Variants in SNX10 observed in about 807,000 individuals in gnomAD.
The protein encoded by SNX10 is sorting nexin-10.
Under a neutral mutation model 28.5 loss-of-function variants are expected in SNX10, and 25 were observed. The observed-to-expected ratio is 0.88, with a 90% CI of 0.64 to 1.22. The LOEUF (loss-of-function observed/expected upper bound fraction) is 1.22, where lower values mean the gene tolerates loss of function less well. Among genes scored for constraint, SNX10 ranks in the 50% most tolerant of loss-of-function variants. The probability of loss-of-function intolerance (pLI) is 0.00; values close to 1 mark genes in which losing one functional copy is unlikely to be tolerated. For synonymous variants in SNX10, 62 were observed against 81.4 expected, an observed-to-expected ratio of 0.76 and a Z score of 1.28; for missense variants, 223 against 242.6, an observed-to-expected ratio of 0.92 and a Z score of 0.54.
chr7:26,372,017 G>C lies in SNX10; in HGVS notation c.508G>C (p.Asp170His). 6.2e-7 allele frequency: 1 copy of C among 1,603,628 alleles called. No homozygotes were observed. The highest frequency in any genetic ancestry group is 1.1e-5 in the South Asian group (1 of 90,770). The change falls in exon 6 of 7, where the codon GAT becomes CAT. Residue 170 changes from aspartate to histidine, a missense_variant. Transcript: ENST00000338523. The stretch of plus-strand genomic sequence containing the variant: ...AGAAGGAAAAAAAGAAAATGATATA[G>C]ATTATGATTCAGAAAGGTATTTCCT... ...DEEGKKENDI[D>H]YDSESSSSGL...
rs554998235 is a variant in SNX10, at chr7:26,310,874, G to T, written c.-24+18788G>T. On this transcript the variant is annotated intron_variant, in intron 1 of 6. Transcript: ENST00000338523. ...ATTTTTTTGTATTTTTAGTAGAGAT[G>T]GCGTTTCACCGTGTTAGCCAGGATG... Among the ~76,000 whole-genome samples, 18 of 152,018 alleles carry T rather than the reference G, an allele frequency of 1.2e-4. No homozygotes were observed. In the East Asian group the frequency reaches 3.3e-3, roughly 28 times the overall value.
intron 1 of SNX10, among the ~76,000 whole-genome samples, chr7:26,333,844 G>C (rs1363106300): frequency 6.6e-6 from 1 of 152,120 alleles, no homozygotes; most frequent in Non-Finnish European, 1.5e-5. Context: ...AGCCTTCAAA[G>C]AATTTCATGC....
chr7:26,372,065 G>C, intron 6 of SNX10, 32 bp downstream of exon 6: 1 of 1,393,580 alleles, frequency 7.2e-7, no homozygotes, highest in South Asian at 1.2e-5. Context: ...TAATGTATAT[G>C]TATTTATATA....
intron 1 of SNX10, among the ~76,000 whole-genome samples, chr7:26,332,339 T>TATC (rs1342591666): frequency 6.6e-6 from 1 of 152,244 alleles, no homozygotes; most frequent in Non-Finnish European, 1.5e-5. Context: ...TAACTAATGA[T>TATC]ATCAAGCATC....
chr7:26,323,777 T>C (rs1787395448), intron 1 of SNX10, among the ~76,000 whole-genome samples: 1 of 152,138 alleles, frequency 6.6e-6, no homozygotes, highest in Admixed American at 6.5e-5. Flanking sequence ...TGATGCATGG[T>C]GGTAACCAGG....
At chr7:26,368,459 CT>C (rs2128026868) in intron 5 of SNX10, among the ~76,000 whole-genome samples, 1 of 152,268 alleles carries the variant, frequency 6.6e-6, no homozygotes, top group Admixed American at 6.5e-5. Flanking sequence ...CAGTAAGTCT[CT>C]AACTATGAAA....
chr7:26,327,188 T>C (rs76947475), intron 1 of SNX10, among the ~76,000 whole-genome samples: 3,431 of 152,204 alleles, frequency 0.023, 142 homozygotes, highest in African/African-American at 0.078. Context: ...TTACCTCAGA[T>C]CATCCACCTG....
chr7:26,371,803 C>CTTTTTTTTTTTTTT lies in SNX10; in HGVS notation c.312-8_312-7insTTTTTTTTTTTTTT. The CTTTTTTTTTTTTTT allele has an allele frequency of 7.6e-7, 1 of 1,314,398 alleles. No homozygotes were observed. The highest frequency in any genetic ancestry group is 1.0e-6 in the Non-Finnish European group (1 of 957,308). 81.4% of individuals were successfully genotyped at this position (1,314,398 alleles called of 1,614,324 possible). A position where few individuals can be genotyped will look rare whatever the true frequency, so the allele number is the denominator to read the frequency against. Reference sequence around the variant, plus strand: ...CCATCCTGTTCACCAATTATTTTTCCTTTTTTTTTTAATATAGAGTCCTAC... The same window carrying CTTTTTTTTTTTTTT: ...CCATCCTGTTCACCAATTATTTTTCCTTTTTTTTTTTTTTTTTTTTTTTTAATATAGAGTCCTAC... On this transcript the variant is annotated splice_polypyrimidine_tract_variant and intron_variant, in intron 5 of 6. Transcript: ENST00000338523.
At chr7:26,369,448 A>G (rs1415212241) in intron 5 of SNX10, among the ~76,000 whole-genome samples, 2 of 152,248 alleles carry the variant, frequency 1.3e-5, no homozygotes, top group Non-Finnish European at 2.9e-5. Context: ...TTTTCATTTT[A>G]AATTTCAGAA....
Position 26,372,059 on chromosome 7 carries a change from G to A in SNX10, c.524+26G>A, listed in dbSNP as rs191841793. 1,537 of 1,444,504 alleles carry A rather than the reference G, an allele frequency of 1.1e-3. 26 individuals are homozygous for A. The Admixed American group carries it at 0.024, about 23-fold the overall frequency. 89.5% of individuals were successfully genotyped at this position (1,444,504 alleles called of 1,614,324 possible). A position where few individuals can be genotyped will look rare whatever the true frequency, so the allele number is the denominator to read the frequency against. ...GTATTTCCTTGCATTTTGATTTAAT[G>A]TATATGTATTTATATAATACATAGT... On this transcript the variant is annotated intron_variant, in intron 6 of 6. Transcript: ENST00000338523.
rs537133397 is a variant in SNX10 at position 26,357,639 on chromosome 7, T to A, written c.25-3336T>A. Among the ~76,000 whole-genome samples, 3 of 152,282 alleles carry A rather than the reference T, an allele frequency of 2.0e-5. No homozygotes were observed. In the South Asian group the frequency reaches 6.2e-4, roughly 32 times the overall value. ...GGCCCCGAAATAAATTAGCAGTTCT[T>A]GCATTAATGTTGGGCAAGAGGTCCT... On this transcript the variant is annotated intron_variant, in intron 2 of 6. Transcript: ENST00000338523.
chr7:26,371,279 G>A (rs996516103), intron 5 of SNX10, among the ~76,000 whole-genome samples: 1 of 152,016 alleles, frequency 6.6e-6, no homozygotes, highest in Non-Finnish European at 1.5e-5. Context: ...TTAACCTTAA[G>A]TATTAAAAAA....
chr7:26,358,806 T>TTTTTTTTTTTTGTTGTTTTTG (rs1788942161), intron 2 of SNX10, among the ~76,000 whole-genome samples: 4 of 52,608 alleles, frequency 7.6e-5, no homozygotes, highest in Non-Finnish European at 1.9e-4. Flanking sequence ...TTATCTTGTG[T>TTTTTTTTTTTTGTTGTTTTTG]TTTTTTTTTT....
chr7:26,328,792 T>G (rs751640716), intron 1 of SNX10, among the ~76,000 whole-genome samples: 9 of 152,196 alleles, frequency 5.9e-5, no homozygotes, highest in Non-Finnish European at 8.8e-5. Context: ...CCAGGCTGCA[T>G]GGAATGTTTG....
intron 1 of SNX10, among the ~76,000 whole-genome samples, chr7:26,313,146 G>T (rs746648557): frequency 2.6e-5 from 4 of 152,176 alleles, no homozygotes; most frequent in Non-Finnish European, 4.4e-5. Context: ...TCATGGAATA[G>T]TACACAGCCA....
chr7:26,349,228 A>G (rs1047672987), intron 2 of SNX10, among the ~76,000 whole-genome samples: 3 of 152,254 alleles, frequency 2.0e-5, no homozygotes, highest in Admixed American at 6.5e-5. Flanking sequence ...CTAATTAATC[A>G]TGAGGTTGGC....
Position 26,346,410 on chromosome 7 carries a change from T to G in SNX10, c.-23-10T>G. ...TCCAAATGACCCAGTGTGGATATCT[T>G]ATTTTTCAGATTGATCGTGTCCTGT... is the stretch of plus-strand genomic sequence containing the variant. On this transcript the variant is annotated splice_polypyrimidine_tract_variant and intron_variant, in intron 1 of 6. Coordinates refer to ENST00000338523, the MANE Select transcript of SNX10 (RefSeq NM_013322.3). 6.3e-7 allele frequency: 1 copy of G among 1,591,732 alleles called. No homozygotes were observed. Among genetic ancestry groups the G allele is most frequent in the Non-Finnish European group, 8.6e-7 (1 of 1,159,564 alleles).
intron 3 of SNX10, among the ~76,000 whole-genome samples, chr7:26,363,422 A>G (rs1789162200): frequency 6.6e-6 from 1 of 152,224 alleles, no homozygotes; most frequent in African/African-American, 2.4e-5. Flanking sequence ...TAGAATAATA[A>G]TTTTTGAAAT....
Position 26,297,977 on chromosome 7 carries a change from T to C in SNX10, c.-24+5891T>C, listed in dbSNP as rs1786177350. Among the ~76,000 whole-genome samples the C allele has an allele frequency of 2.0e-5, 3 of 152,314 alleles. No individual in the cohort carries two copies. The South Asian group carries it at 6.2e-4, about 32-fold the overall frequency. On this transcript the variant is annotated intron_variant, in intron 1 of 6. Transcript: ENST00000338523. ...TGGGCGCGGTGGCTCACGCCTGTAA[T>C]CCCAGCACTTTGGGAGGCCGAGGCA...
Sources: allele counts gnomAD v4.1 joint callset (sites outside exome capture counted in the v4.1 genomes callset), GRCh38; gene constraint gnomAD v4.1.1; transcripts MANE v1.5; gene names NCBI Gene and HGNC (gene_info 2026-07-23, HGNC 2026-07-21).